ANKMY1: variants seen among roughly 807,000 people sequenced by gnomAD.
ANKMY1 encodes the protein ankyrin repeat and MYND domain containing 1, also known as ankyrin repeat and MYND domain-containing protein 1.
ANKMY1 carries 98 observed loss-of-function variants against 102.0 expected under a neutral mutation model. That is an observed-to-expected ratio of 0.96 (90% CI 0.82 to 1.14). The LOEUF (loss-of-function observed/expected upper bound fraction) is 1.14, where lower values mean the gene tolerates loss of function less well. Ranked by LOEUF, ANKMY1 falls within the 50% of genes most tolerant of loss-of-function variation. The pLI is 0.00. For synonymous variants in ANKMY1, 582 were observed against 559.9 expected, an observed-to-expected ratio of 1.04 and a Z score of -0.56; for missense variants, 1,330 against 1,347.6, an observed-to-expected ratio of 0.99 and a Z score of 0.20.
Position 240,506,050 on chromosome 2 carries a change from C to T in ANKMY1, c.2526+1510G>A, listed in dbSNP as rs1429916931. On this transcript the variant is annotated intron_variant, in intron 13 of 17. Coordinates refer to ENST00000401804, the MANE Select transcript of ANKMY1 (RefSeq NM_001282771.3). The surrounding 1 kb of genome is among the most constrained non-coding windows in gnomAD (Gnocchi z 4.9). ...GATGAGGCACCGGGGAGCCTCCTAA[C>T]CCCGGACAAGATGCTGGGGAGCCCC... Among the ~76,000 whole-genome samples, 3 of 152,188 alleles carry T rather than the reference C, an allele frequency of 2.0e-5. No individual in the cohort carries two copies. The highest frequency in any genetic ancestry group is 7.2e-5 in the African/African-American group (3 of 41,458).
intron 15 of ANKMY1, among the ~76,000 whole-genome samples, chr2:240,491,226 G>A (rs2076618708): frequency 6.6e-6 from 1 of 151,108 alleles, no homozygotes; most frequent in Admixed American, 6.6e-5. Flanking sequence ...CAGTCTATAT[G>A]TGTCTTTAAT....
At chr2:240,555,258 A>T (rs1226705683) in intron 2 of ANKMY1, 3 of 604,752 alleles carry the variant, frequency 5.0e-6, no homozygotes, top group Non-Finnish European at 8.7e-6. Flanking sequence ...CAGGAAGTGG[A>T]ATGCACAGTA....
chr2:240,538,868 T>G (rs1013152543), intron 4 of ANKMY1, among the ~76,000 whole-genome samples: 1 of 152,138 alleles, frequency 6.6e-6, no homozygotes. Context: ...GGTTTGTGGA[T>G]GCACCAATCA....
chr2:240,501,369 G>A (rs942263344), intron 13 of ANKMY1, among the ~76,000 whole-genome samples: 9 of 152,166 alleles, frequency 5.9e-5, no homozygotes, highest in Admixed American at 5.9e-4. Flanking sequence ...CACAGCAATG[G>A]TCTCTGGCTC....
intron 2 of ANKMY1, chr2:240,555,522 A>G (rs1364254709): frequency 1.1e-5 from 2 of 178,220 alleles, no homozygotes; most frequent in East Asian, 2.9e-4. Context: ...AGAGGCAGCC[A>G]GCTCATACTA....
intron 15 of ANKMY1, among the ~76,000 whole-genome samples, chr2:240,497,009 C>T (rs1191799279): frequency 6.6e-6 from 1 of 152,190 alleles, no homozygotes; most frequent in Non-Finnish European, 1.5e-5. Context: ...GTAAGTTTAC[C>T]AATCTTCTTA....
chr2:240,502,316 C>T lies in ANKMY1; in HGVS notation c.2527-1751G>A, dbSNP rs541591587. The stretch of plus-strand genomic sequence containing the variant: ...CAGGCTCCCAGGACTGGCTACTCAG[C>T]AGCACCTGGGATTCACCTCTTAGTC... On this transcript the variant is annotated intron_variant, in intron 13 of 17. Coordinates refer to ENST00000401804, the MANE Select transcript of ANKMY1 (RefSeq NM_001282771.3). 2.6e-3 allele frequency among the ~76,000 whole-genome samples: 400 copies of T among 152,108 alleles called. 2 individuals are homozygous for T. The highest frequency in any genetic ancestry group is 9.0e-3 in the African/African-American group (375 of 41,462).
the ANKMY1 span, among the ~76,000 whole-genome samples, chr2:240,470,119 T>C: frequency 6.6e-6 from 1 of 152,244 alleles, no homozygotes; most frequent in Admixed American, 6.5e-5. Flanking sequence ...AAGTATTCTT[T>C]ATCTGGGGAC....
chr2:240,515,581 G>A (rs981778282), intron 9 of ANKMY1, among the ~76,000 whole-genome samples: 3 of 152,128 alleles, frequency 2.0e-5, no homozygotes, highest in Non-Finnish European at 4.4e-5. Context: ...ACGTTTTATG[G>A]AAGTCTTACC....
chr2:240,504,582 A>T (rs1017790925), intron 13 of ANKMY1, among the ~76,000 whole-genome samples: 15 of 141,254 alleles, frequency 1.1e-4, no homozygotes, highest in South Asian at 2.5e-4. Context: ...CAATAATATT[A>T]AAAAAAAAGA....
intron 4 of ANKMY1, among the ~76,000 whole-genome samples, chr2:240,544,649 G>A (rs112155167): frequency 1.6e-4 from 25 of 152,172 alleles, no homozygotes; most frequent in Non-Finnish European, 2.9e-4. Flanking sequence ...CAGTGGGTGC[G>A]CGCACTGTGC....
In ANKMY1 at chr2:240,520,175, G is replaced by T. The variant is rs930395864; in HGVS notation, c.2004+187C>A. On this transcript the variant is annotated intron_variant, in intron 9 of 17. Coordinates refer to ENST00000401804, the MANE Select transcript of ANKMY1 (RefSeq NM_001282771.3). The surrounding 1 kb of genome is among the most constrained non-coding windows in gnomAD (Gnocchi z 4.8). ...CTAGCTCGGTGTCCAAATCCTGTCT[G>T]GGGACATGGGTGAAAGAGCGGGCTG... The T allele has an allele frequency of 3.5e-5, 31 of 888,092 alleles. No homozygotes were observed. The highest frequency in any genetic ancestry group is 2.1e-4 in the Middle Eastern group (1 of 4,710). The allele number at this position is 888,092 out of a possible 1,614,324, so 55.0% of individuals were successfully genotyped here.
At chr2:240,545,042 C>T (rs1305964379) in intron 4 of ANKMY1, among the ~76,000 whole-genome samples, 1 of 152,258 alleles carries the variant, frequency 6.6e-6, no homozygotes, top group African/African-American at 2.4e-5. Context: ...CTGTAGGCTC[C>T]ACCTCTGGGG....
intron 9 of ANKMY1, among the ~76,000 whole-genome samples, chr2:240,516,013 A>C (rs923948239): frequency 1.3e-5 from 2 of 152,022 alleles, no homozygotes; most frequent in East Asian, 3.9e-4. Flanking sequence ...CAATAATAAA[A>C]TATTTTTGTT....
intron 2 of ANKMY1, chr2:240,555,286 G>C (rs943150379): frequency 5.0e-5 from 28 of 561,160 alleles, no homozygotes; most frequent in African/African-American, 3.6e-4. Context: ...CAACGGATAG[G>C]AGAGATGCTG....
intron 4 of ANKMY1, among the ~76,000 whole-genome samples, chr2:240,545,978 G>T (rs1415022261): frequency 6.6e-6 from 1 of 152,054 alleles, no homozygotes; most frequent in Non-Finnish European, 1.5e-5. Context: ...TAGCAAGGCA[G>T]GCCAACATTC....
intron 8 of ANKMY1, chr2:240,522,510 G>C (rs570070695): frequency 6.6e-6 from 1 of 152,404 alleles, no homozygotes; most frequent in East Asian, 1.9e-4. Flanking sequence ...TATTTGAGCA[G>C]CCTTTCTGAT....
At chr2:240,481,892 C>G (rs928728170) in intron 16 of ANKMY1, among the ~76,000 whole-genome samples, 10 of 152,156 alleles carry the variant, frequency 6.6e-5, no homozygotes, top group African/African-American at 2.4e-4. Context: ...GAGGTGGCCA[C>G]CCTCCTGCAG....
chr2:240,484,226 T>C (rs987298075), intron 15 of ANKMY1, among the ~76,000 whole-genome samples: 2 of 152,114 alleles, frequency 1.3e-5, no homozygotes, highest in Admixed American at 1.3e-4. Flanking sequence ...GGTCAAAAGG[T>C]AGAGCTTGTA....
Sources: gnomAD v4.1 joint callset for allele counts (sites outside exome capture counted in the v4.1 genomes callset) on GRCh38, gnomAD v4.1.1 for gene constraint, Gnocchi (gnomAD v3.1) non-coding constraint, MANE v1.5 for transcripts, NCBI Gene and HGNC (gene_info 2026-07-23, HGNC 2026-07-21) for gene names.